Variants in ANK2 observed in about 807,000 individuals in gnomAD.
ANK2 encodes the protein ankyrin 2.
A neutral mutation model predicts 360.5 loss-of-function variants in ANK2; 83 were observed. The ratio of observed to expected loss-of-function variants is 0.23; its 90% CI spans 0.19 to 0.28. ANK2 has a LOEUF of 0.28. Ranked by LOEUF, ANK2 falls within the 10% of genes least tolerant of loss-of-function variation. ANK2 has a pLI of 1.00. For missense variants in ANK2, 4,201 were observed against 4,795.7 expected (o/e 0.88, Z 3.66); for synonymous variants, 1,740 against 1,759.5 (o/e 0.99, Z 0.28).
chr4:113,348,031 G>C (rs2095060549), intron 35 of ANK2: 1 of 532,658 alleles, frequency 1.9e-6, no homozygotes, highest in Non-Finnish European at 3.4e-6. Context: ...CTAGTATCTG[G>C]AATTAGTATA....
chr4:113,078,770 C>G (rs2081157804), intron 1 of ANK2, among the ~76,000 whole-genome samples: 1 of 152,140 alleles, frequency 6.6e-6, no homozygotes, highest in African/African-American at 2.4e-5. Flanking sequence ...TGTAAATATT[C>G]TGAACAAAGT....
rs1202022678 is a variant in ANK2, at chr4:113,365,162, T to C, written c.11012T>C (p.Ile3671Thr). ...AGTTATGCAGAAATTGAACAGACCA[T>C]TACACTGGATCATAGTGAAGGTCAA... is the stretch of plus-strand genomic sequence containing the variant. ...SHSYAEIEQTITLDHSEGFSV... is the reference protein window; with the variant it reads ...SHSYAEIEQTTTLDHSEGFSV... The change falls in exon 41 of 46, where the codon ATT becomes ACT. Residue 3671 changes from isoleucine to threonine, a missense_variant. Ile to Thr is a moderately conservative substitution (Grantham distance 89). Around this residue, in one of 4 missense-constraint regions of ANK2, gnomAD observed 2,642 missense variants for 2,714.5 expected, o/e 0.97. Transcript: ENST00000357077. 1.2e-6 allele frequency: 2 copies of C among 1,613,368 alleles called. No homozygotes were observed. Among genetic ancestry groups the C allele is most frequent in the Non-Finnish European group, 1.7e-6 (2 of 1,179,846 alleles).
chr4:113,067,948 C>T (rs947155752), intron 1 of ANK2, among the ~76,000 whole-genome samples: 1 of 152,202 alleles, frequency 6.6e-6, no homozygotes, highest in African/African-American at 2.4e-5. Context: ...ACTGATCACA[C>T]AGTCACTATG....
At position 113,117,380 on chromosome 4, in the gene ANK2, C is replaced by A. The variant is rs998437969; in HGVS notation, c.85-57036C>A. On this transcript the variant is annotated intron_variant, in intron 1 of 45. Coordinates refer to ENST00000357077, the MANE Select transcript of ANK2 (RefSeq NM_001148.6). Reference sequence around the variant, plus strand: ...TCTTGAGAGAGACAGAAAAAAACAACGGAAAATCCCCAGAGAACGTATGGA... The same window carrying A: ...TCTTGAGAGAGACAGAAAAAAACAAAGGAAAATCCCCAGAGAACGTATGGA... The A allele has an allele frequency of 9.9e-5, 45 of 456,104 alleles. No individual in the cohort carries two copies. In the Admixed American group the frequency reaches 1.1e-3, roughly 11 times the overall value. The allele number at this position is 456,104 out of a possible 1,614,324, so 28.3% of individuals were successfully genotyped here.
the ANK2 span, among the ~76,000 whole-genome samples, chr4:112,710,773 G>C: frequency 6.6e-6 from 1 of 151,650 alleles, no homozygotes; most frequent in Non-Finnish European, 1.5e-5. Flanking sequence ...CATCATGGTT[G>C]CTGAGAGGAG....
chr4:113,006,896 T>C (rs1236704269), intron 2 of ANK2, among the ~76,000 whole-genome samples: 1 of 152,190 alleles, frequency 6.6e-6, no homozygotes, highest in Non-Finnish European at 1.5e-5. Flanking sequence ...ATTATGAACC[T>C]GACTGACACA....
chr4:112,793,547 T>G, the ANK2 span, among the ~76,000 whole-genome samples: 2 of 152,202 alleles, frequency 1.3e-5, no homozygotes, highest in Middle Eastern at 3.4e-3. Context: ...ATACTAACAA[T>G]TAGATAGGAA....
intron 1 of ANK2, among the ~76,000 whole-genome samples, chr4:112,830,690 G>A (rs544758623): frequency 3.3e-5 from 5 of 152,230 alleles, no homozygotes; most frequent in Non-Finnish European, 7.4e-5. Context: ...CTCAGGCTAC[G>A]GCATCCACTC....
At chr4:113,182,115 A>G (rs1214462985) in intron 2 of ANK2, among the ~76,000 whole-genome samples, 1 of 152,152 alleles carries the variant, frequency 6.6e-6, no homozygotes, top group Non-Finnish European at 1.5e-5. Flanking sequence ...ACACATTTCA[A>G]AAATACAGCT....
chr4:112,942,497 A>AGG (rs1263046205), intron 2 of ANK2, among the ~76,000 whole-genome samples: 1 of 152,138 alleles, frequency 6.6e-6, no homozygotes, highest in Non-Finnish European at 1.5e-5. Flanking sequence ...ACTCACAACA[A>AGG]GCAAGGGGTG....
chr4:113,238,869 T>G lies in ANK2; in HGVS notation c.693+1247T>G, dbSNP rs1052248228. ...AAGATTGACAGCTTGGTTATCATTA[T>G]GAATGATCAGTGAGGCTGTATCAGA... is the stretch of plus-strand genomic sequence containing the variant. On this transcript the variant is annotated intron_variant, in intron 7 of 45. Transcript: ENST00000357077. 7.2e-5 allele frequency among the ~76,000 whole-genome samples: 11 copies of G among 152,230 alleles called. No homozygotes were observed. In the East Asian group the frequency reaches 1.9e-3, roughly 27 times the overall value.
intron 22 of ANK2, among the ~76,000 whole-genome samples, chr4:113,301,302 A>C (rs2074848447): frequency 6.6e-6 from 1 of 152,070 alleles, no homozygotes; most frequent in African/African-American, 2.4e-5. Flanking sequence ...TTTGGGGTAC[A>C]CATATCTTTT....
chr4:112,740,372 GGAC>G, the ANK2 span, among the ~76,000 whole-genome samples: 1 of 151,870 alleles, frequency 6.6e-6, no homozygotes, highest in African/African-American at 2.4e-5. Context: ...AGAGTACCTG[GGAC>G]TACAGGTGCA....
At chr4:113,184,675 C>T (rs956215027) in intron 2 of ANK2, among the ~76,000 whole-genome samples, 1 of 151,990 alleles carries the variant, frequency 6.6e-6, no homozygotes, top group African/African-American at 2.4e-5. Flanking sequence ...CTGATGTTCT[C>T]ATATTCTGTT....
At chr4:113,063,868 T>A (rs1418193528) in intron 1 of ANK2, among the ~76,000 whole-genome samples, 2 of 152,186 alleles carry the variant, frequency 1.3e-5, no homozygotes. Flanking sequence ...GTTATTTAGA[T>A]TGCAATAAAA....
At chr4:113,055,388 C>CTAAA (rs942345460) in intron 1 of ANK2, among the ~76,000 whole-genome samples, 2 of 151,606 alleles carry the variant, frequency 1.3e-5, no homozygotes, top group African/African-American at 2.4e-5. Flanking sequence ...GTGAGACTGT[C>CTAAA]TAAATAAATA....
At chr4:113,115,091 G>A (rs2094632225) in intron 1 of ANK2, among the ~76,000 whole-genome samples, 1 of 152,114 alleles carries the variant, frequency 6.6e-6, no homozygotes, top group Non-Finnish European at 1.5e-5. Context: ...TGACTGCTTT[G>A]ACACCACAAC....
intron 26 of ANK2, among the ~76,000 whole-genome samples, chr4:113,322,062 T>C (rs751121274): frequency 1.3e-5 from 2 of 152,168 alleles, no homozygotes; most frequent in Non-Finnish European, 2.9e-5. Context: ...GAGGTGATAA[T>C]AAAGTTAGTT....
chr4:112,957,011 T>G lies in ANK2; in HGVS notation c.21+52497T>G, dbSNP rs2095364191. ...ATTATCTGCACTATTGCTCTTGTTT[T>G]TTTTTTTTTTTTTTTTTTTTTAATT... On this transcript the variant is annotated intron_variant, in intron 2 of 30. Transcript: ENST00000503271. Among the ~76,000 whole-genome samples, 9 of 142,700 alleles carry G rather than the reference T, an allele frequency of 6.3e-5. No homozygotes were observed. The South Asian group carries it at 1.8e-3, about 28-fold the overall frequency. 93.6% of individuals were successfully genotyped at this position (142,700 alleles called of 152,430 possible).
Sources: allele counts gnomAD v4.1 joint callset (sites outside exome capture counted in the v4.1 genomes callset), GRCh38; gene constraint gnomAD v4.1.1; regional missense constraint gnomAD v4.1.1; transcripts MANE v1.5; gene names NCBI Gene and HGNC (gene_info 2026-07-23, HGNC 2026-07-21).